MTERF3: variants seen among roughly 807,000 people sequenced by gnomAD.
MTERF3 encodes the protein transcription termination factor 3, mitochondrial.
MTERF3 carries 40 observed loss-of-function variants against 40.5 expected under a neutral mutation model. That is an observed-to-expected ratio of 0.99 (90% CI 0.77 to 1.29). The LOEUF (loss-of-function observed/expected upper bound fraction) is 1.29, where lower values mean the gene tolerates loss of function less well. Among genes scored for constraint, MTERF3 ranks in the 50% most tolerant of loss-of-function variants. The pLI, the probability that MTERF3 is intolerant of heterozygous loss-of-function variation, is 0.00. For missense variants in MTERF3, 452 were observed against 478.2 expected, an observed-to-expected ratio of 0.95 and a Z score of 0.51; for synonymous variants, 158 against 166.6, an observed-to-expected ratio of 0.95 and a Z score of 0.40.
rs909327615 is a variant in MTERF3 at position 96,253,165 on chromosome 8, G to T, written c.488-2070C>A. On this transcript the variant is annotated intron_variant, in intron 3 of 7. Coordinates refer to ENST00000287025, the MANE Select transcript of MTERF3 (RefSeq NM_015942.5). ...TCTAGCAGGCTATACAACGTGCCCT[G>T]GAAAGTACAAATGACAAGGACTTTA... 2.0e-5 allele frequency among the ~76,000 whole-genome samples: 3 copies of T among 152,108 alleles called. No individual in the cohort carries two copies. The East Asian group carries it at 5.8e-4, about 29-fold the overall frequency.
intron 2 of MTERF3, chr8:96,258,139 AT>A (rs1265742161): frequency 1.6e-6 from 1 of 618,818 alleles, no homozygotes; most frequent in African/African-American, 2.0e-5. Context: ...AATGTTTTAT[AT>A]GTGTAGCTAT....
intron 1 of MTERF3, among the ~76,000 whole-genome samples, chr8:96,261,164 A>C (rs1453399949): frequency 6.6e-6 from 1 of 152,236 alleles, no homozygotes; most frequent in Admixed American, 6.5e-5. Context: ...AATGCTATAA[A>C]TGAAATCAGG....
chr8:96,249,981 C>T lies in MTERF3; in HGVS notation c.677+925G>A, dbSNP rs1586167081. 3.3e-5 allele frequency among the ~76,000 whole-genome samples: 5 copies of T among 152,260 alleles called. No individual in the cohort carries two copies. The South Asian group carries it at 1.0e-3, about 32-fold the overall frequency. ...CAGGTGGGGGCGACGATGAATTCAA[C>T]ATGTTAACTTAGGGACAGGGGTTTT... is the stretch of plus-strand genomic sequence containing the variant. On this transcript the variant is annotated intron_variant, in intron 4 of 7. Coordinates refer to ENST00000287025, the MANE Select transcript of MTERF3 (RefSeq NM_015942.5).
chr8:96,242,076 A>C (rs1426657506), intron 7 of MTERF3, among the ~76,000 whole-genome samples: 1 of 152,244 alleles, frequency 6.6e-6, no homozygotes, highest in Non-Finnish European at 1.5e-5. Flanking sequence ...TATTATCTAC[A>C]TGAGAAAATT....
intron 7 of MTERF3, among the ~76,000 whole-genome samples, chr8:96,242,262 C>T (rs1449411476): frequency 6.6e-6 from 1 of 152,112 alleles, no homozygotes; most frequent in Non-Finnish European, 1.5e-5. Flanking sequence ...AATTTGGAAG[C>T]CACAATTCTA....
chr8:96,245,787 C>A, intron 6 of MTERF3, 73 bp downstream of exon 6: 3 of 1,339,726 alleles, frequency 2.2e-6, no homozygotes, highest in East Asian at 2.3e-5. Flanking sequence ...ATGACAATAG[C>A]AAAATCTGTT....
intron 3 of MTERF3, among the ~76,000 whole-genome samples, chr8:96,254,518 G>A (rs906078120): frequency 6.6e-6 from 1 of 151,852 alleles, no homozygotes; most frequent in African/African-American, 2.4e-5. Context: ...TAGTCATTCT[G>A]TGCTTATTTC....
At chr8:96,246,211 A>C (rs1810017892) in intron 5 of MTERF3, 96 bp downstream of exon 5, 3 of 1,184,978 alleles carry the variant, frequency 2.5e-6, no homozygotes, top group Non-Finnish European at 2.3e-6. Context: ...AATTTATATG[A>C]TTCACATGGG....
At chr8:96,258,877 C>T (rs1810331339) in intron 1 of MTERF3, among the ~76,000 whole-genome samples, 177 bp from the exon 2 acceptor site, 1 of 152,044 alleles carries the variant, frequency 6.6e-6, no homozygotes, top group Non-Finnish European at 1.5e-5. Flanking sequence ...GAAAAGCCAA[C>T]AACAAGGCAA....
chr8:96,246,371 G>A lies in MTERF3; in HGVS notation c.761C>T (p.Ser254Leu). ...CAATCTGTTATCCAGTCTTTCCACT[G>A]AAAAGTTCAGCAAAAATGGTGCTTT... ...VRKAPFLLNF[S>L]VERLDNRLGF... The change falls in exon 5 of 8, where the codon TCA becomes TTA. Residue 254 changes from serine to leucine, a missense_variant. Ser to Leu is a moderately radical substitution (Grantham distance 145). Transcript: ENST00000287025. 6.2e-7 allele frequency: 1 copy of A among 1,612,696 alleles called. No individual in the cohort carries two copies. The highest frequency in any genetic ancestry group is 8.5e-7 in the Non-Finnish European group (1 of 1,179,678).
At chr8:96,255,162 C>T (rs549906542) in intron 3 of MTERF3, among the ~76,000 whole-genome samples, 1 of 152,316 alleles carries the variant, frequency 6.6e-6, no homozygotes, top group South Asian at 2.1e-4. Flanking sequence ...AGAGCCAATA[C>T]TGCTGAGGAG....
At chr8:96,242,583 A>C (rs933200327) in intron 7 of MTERF3, among the ~76,000 whole-genome samples, 3 of 152,224 alleles carry the variant, frequency 2.0e-5, no homozygotes. Flanking sequence ...AGGGGTAATA[A>C]TAGCATCTAC....
rs745488939 is a variant in MTERF3 at position 96,245,934 on chromosome 8, G to T, written c.826-3C>A. The T allele has an allele frequency of 6.2e-7, 1 of 1,613,266 alleles. No homozygotes were observed. The highest frequency in any genetic ancestry group is 2.2e-5 in the East Asian group (1 of 44,836). ...AGACGAACTACCAGATCTCTAGTCT[G>T]TGGTTGCAAACAAAACAATCTAGTA... On this transcript the variant is annotated splice_polypyrimidine_tract_variant and splice_region_variant and intron_variant, in intron 5 of 7. Coordinates refer to ENST00000287025, the MANE Select transcript of MTERF3 (RefSeq NM_015942.5).
chr8:96,250,847 C>T (rs911612692), intron 4 of MTERF3, 59 bp downstream of exon 4: 31 of 1,481,192 alleles, frequency 2.1e-5, no homozygotes, highest in Non-Finnish European at 2.7e-5. Flanking sequence ...ATACCTTCCA[C>T]ATATATTTCC....
intron 4 of MTERF3, among the ~76,000 whole-genome samples, chr8:96,250,537 C>A (rs1810117687): frequency 7.1e-6 from 1 of 141,292 alleles, no homozygotes; most frequent in Non-Finnish European, 1.6e-5. Flanking sequence ...GTGGCGAAAC[C>A]CCATCTCTCC....
chr8:96,256,890 T>C, intron 3 of MTERF3, 72 bp downstream of exon 3: 3 of 1,394,372 alleles, frequency 2.2e-6, no homozygotes, highest in Non-Finnish European at 2.9e-6. Context: ...TAGATTAAAT[T>C]GTTAATTTAA....
At chr8:96,260,850 T>C (rs941943302) in intron 1 of MTERF3, among the ~76,000 whole-genome samples, 1 of 152,210 alleles carries the variant, frequency 6.6e-6, no homozygotes, top group African/African-American at 2.4e-5. Context: ...GGGACTATTC[T>C]CCACTTTCCC....
At chr8:96,240,144 A>G (rs1809897344) in intron 7 of MTERF3, among the ~76,000 whole-genome samples, 1 of 151,932 alleles carries the variant, frequency 6.6e-6, no homozygotes, top group African/African-American at 2.4e-5. Flanking sequence ...GCTACTCAGG[A>G]GGCTGAGGCA....
At chr8:96,242,439 T>A (rs1809946272) in intron 7 of MTERF3, among the ~76,000 whole-genome samples, 1 of 152,222 alleles carries the variant, frequency 6.6e-6, no homozygotes, top group South Asian at 2.1e-4. Flanking sequence ...TTCTAGCAGA[T>A]CCTAGTAAAG....
Sources: allele counts gnomAD v4.1 joint callset (sites outside exome capture counted in the v4.1 genomes callset), GRCh38; gene constraint gnomAD v4.1.1; transcripts MANE v1.5; gene names NCBI Gene and HGNC (gene_info 2026-07-23, HGNC 2026-07-21).